The following MFN1 variants were observed in gnomAD, a reference collection of about 807,000 sequenced individuals.
MFN1 encodes the protein mitofusin-1.
Under a neutral mutation model 92.4 loss-of-function variants are expected in MFN1, and 65 were observed. That is an observed-to-expected ratio of 0.70 (90% CI 0.58 to 0.86). The LOEUF (loss-of-function observed/expected upper bound fraction) is 0.86. Among genes scored for constraint, MFN1 ranks in the 40% least tolerant of loss-of-function variants. The pLI, the probability that MFN1 is intolerant of heterozygous loss-of-function variation, is 0.00. For missense variants in MFN1, 781 were observed against 868.0 expected, an observed-to-expected ratio of 0.90 and a Z score of 1.26; for synonymous variants, 297 against 300.9, an observed-to-expected ratio of 0.99 and a Z score of 0.13.
chr3:179,364,265 A>G (rs1281843962), intron 5 of MFN1, 32 bp from the exon 6 acceptor site: 2 of 1,474,060 alleles, frequency 1.4e-6, no homozygotes, highest in African/African-American at 2.9e-5. Context: ...TTTTTAAGAA[A>G]TATAATACAA....
chr3:179,383,906 GAAATTGTAAAACC>G (rs1713572438), intron 14 of MFN1, among the ~76,000 whole-genome samples: 7 of 152,120 alleles, frequency 4.6e-5, no homozygotes, highest in Non-Finnish European at 8.8e-5. Flanking sequence ...GGAAATTTGT[GAAATTGTAAAACC>G]ATCACCACAA....
intron 14 of MFN1, among the ~76,000 whole-genome samples, chr3:179,380,071 CTG>C (rs1304254378): frequency 1.3e-5 from 2 of 152,270 alleles, no homozygotes; most frequent in East Asian, 1.9e-4. Flanking sequence ...TCGAAGGGAA[CTG>C]TGAGTATTCA....
At chr3:179,369,205 C>T (rs1265328655) in intron 9 of MFN1, among the ~76,000 whole-genome samples, 2 of 144,694 alleles carry the variant, frequency 1.4e-5, no homozygotes, top group Non-Finnish European at 2.9e-5. Context: ...GGTTGATGCT[C>T]TCCTCACCTC....
At chr3:179,369,542 G>A (rs373390932) in intron 9 of MFN1, among the ~76,000 whole-genome samples, 1 of 152,052 alleles carries the variant, frequency 6.6e-6, no homozygotes, top group Non-Finnish European at 1.5e-5. Context: ...TTGGTTCATG[G>A]TATAGCTTGT....
intron 11 of MFN1, 55 bp from the exon 12 acceptor site, chr3:179,377,289 G>A: frequency 6.6e-7 from 1 of 1,521,930 alleles, no homozygotes; most frequent in Non-Finnish European, 8.9e-7. Context: ...TAATTTTTTT[G>A]AATAATTGAT....
chr3:179,379,359 T>C (rs1420710711), intron 14 of MFN1, among the ~76,000 whole-genome samples: 1 of 152,150 alleles, frequency 6.6e-6, no homozygotes, highest in Non-Finnish European at 1.5e-5. Flanking sequence ...TTTTTTTGAG[T>C]GGGGATGCGT....
At chr3:179,376,129 C>T (rs1003976821) in intron 10 of MFN1, among the ~76,000 whole-genome samples, 31 of 152,116 alleles carry the variant, frequency 2.0e-4, no homozygotes, top group African/African-American at 7.2e-4. Context: ...AACAAAGACC[C>T]CTTCATGTCC....
chr3:179,351,696 T>C (rs1712153072), intron 2 of MFN1, among the ~76,000 whole-genome samples: 1 of 152,214 alleles, frequency 6.6e-6, no homozygotes, highest in African/African-American at 2.4e-5. Context: ...ACTGTGCCCT[T>C]GCAACTTTTA....
chr3:179,378,086 TG>T lies in MFN1; in HGVS notation c.1330-253del, dbSNP rs1313043279. 1.8e-5 allele frequency: 7 copies of T among 393,694 alleles called. No individual in the cohort carries two copies. The Admixed American group carries it at 2.6e-4, about 15-fold the overall frequency. 24.4% of individuals were successfully genotyped at this position (393,694 alleles called of 1,614,324 possible). A position where few individuals can be genotyped will look rare whatever the true frequency, so the allele number is the denominator to read the frequency against. On this transcript the variant is annotated intron_variant, in intron 12 of 17. Coordinates refer to ENST00000471841, the MANE Select transcript of MFN1 (RefSeq NM_033540.3). ...AAAAAAAATAAAAAATAGCCAAGCATGGCGACACGCTTCTATAGTCCCAGTT... is the reference window on the plus strand; with the variant it reads ...AAAAAAAATAAAAAATAGCCAAGCATGCGACACGCTTCTATAGTCCCAGTT...
chr3:179,391,081 A>G (rs1463629963), intron 17 of MFN1, among the ~76,000 whole-genome samples: 1 of 152,206 alleles, frequency 6.6e-6, no homozygotes, highest in Non-Finnish European at 1.5e-5. Flanking sequence ...AAGTCAGCTC[A>G]TCCCATATAT....
At chr3:179,370,755 TG>T (rs531033053) in intron 9 of MFN1, among the ~76,000 whole-genome samples, 287 of 152,356 alleles carry the variant, frequency 1.9e-3, no homozygotes, top group Admixed American at 2.9e-3. Context: ...CATTGGTTTT[TG>T]CTTATTCTTA....
intron 9 of MFN1, among the ~76,000 whole-genome samples, chr3:179,371,740 AT>A (rs1041681256): frequency 6.6e-6 from 1 of 152,062 alleles, no homozygotes; most frequent in Non-Finnish European, 1.5e-5. Flanking sequence ...ATGTCAGTGG[AT>A]TTTTTTGTAA....
chr3:179,350,720 T>C lies in MFN1; in HGVS notation c.113-1180T>C, dbSNP rs145187554. Among the ~76,000 whole-genome samples the C allele has an allele frequency of 3.3e-3, 500 of 152,344 alleles. 1 individual carries two copies. The highest frequency in any genetic ancestry group is 0.011 in the African/African-American group (468 of 41,580). ...ACCAGTCTGTCCGTTATTCACCAAA[T>C]TGCACATATTTTATTAATGCGTTAG... On this transcript the variant is annotated intron_variant, in intron 2 of 17. Coordinates refer to ENST00000471841, the MANE Select transcript of MFN1 (RefSeq NM_033540.3).
In MFN1 at chr3:179,392,792, A is replaced by C. The variant is rs1368797049; in HGVS notation, c.*733A>C. On this transcript the variant is annotated 3_prime_UTR_variant, in exon 18 of 18. Coordinates refer to ENST00000471841, the MANE Select transcript of MFN1 (RefSeq NM_033540.3). Reference sequence around the variant, plus strand: ...TGAAGAGATAAAAATAGCCAAAGATAGGAGACGTCTGAATTTTGAATGATA... The same window carrying C: ...TGAAGAGATAAAAATAGCCAAAGATCGGAGACGTCTGAATTTTGAATGATA... The C allele has an allele frequency of 1.3e-5, 2 of 152,344 alleles. No individual in the cohort carries two copies. The highest frequency in any genetic ancestry group is 3.9e-4 in the East Asian group (2 of 5,186). The allele number at this position is 152,344 out of a possible 1,614,324, so 9.4% of individuals were successfully genotyped here. A position where few individuals can be genotyped will look rare whatever the true frequency, so the allele number is the denominator to read the frequency against.
intron 5 of MFN1, among the ~76,000 whole-genome samples, chr3:179,363,729 A>G (rs1432483420): frequency 3.9e-5 from 6 of 152,128 alleles, no homozygotes; most frequent in African/African-American, 7.2e-5. Flanking sequence ...CCTGGACTCA[A>G]ACTCCCGCCT....
rs755218102 is a variant in MFN1, at chr3:179,385,541, T to C, written c.1663-28T>C. 36 of 1,517,330 alleles carry C rather than the reference T, an allele frequency of 2.4e-5. No individual in the cohort carries two copies. In the East Asian group the frequency reaches 7.8e-4, roughly 33 times the overall value. The allele number at this position is 1,517,330 out of a possible 1,614,324, so 94.0% of individuals were successfully genotyped here. On this transcript the variant is annotated intron_variant, in intron 14 of 17. Transcript: ENST00000471841. ...ACTTTATAGTTGTTTAAGTGTAATC[T>C]TTTTTCCTTTCTCTTTTTTTTTGGC...
In MFN1 at chr3:179,348,729, AT is replaced by A. The variant is rs762131472; in HGVS notation, c.-7-112del. The A allele has an allele frequency of 2.3e-5, 34 of 1,453,982 alleles. 1 individual carries two copies. The South Asian group carries it at 4.5e-4, about 19-fold the overall frequency. The allele number at this position is 1,453,982 out of a possible 1,614,324, so 90.1% of individuals were successfully genotyped here. On this transcript the variant is annotated intron_variant, in intron 1 of 17. Transcript: ENST00000471841. ...TCCCAAAAAAGAATTACCTAAAAAC[AT>A]TTTGCCAGCATAATTTATTTCATTG...
intron 10 of MFN1, 75 bp from the exon 11 acceptor site, chr3:179,376,965 CAT>C: frequency 6.9e-7 from 1 of 1,455,236 alleles, no homozygotes; most frequent in Non-Finnish European, 9.3e-7. Context: ...TGGTTCAATA[CAT>C]GAATGAGTCC....
intron 12 of MFN1, chr3:179,378,074 A>C (rs1189780916): frequency 1.1e-5 from 4 of 348,800 alleles, no homozygotes; most frequent in Non-Finnish European, 2.1e-5. Context: ...AAAAATAAAA[A>C]ATAGCCAAGC....
Sources: allele counts gnomAD v4.1 joint callset (sites outside exome capture counted in the v4.1 genomes callset), GRCh38; gene constraint gnomAD v4.1.1; transcripts MANE v1.5; gene names NCBI Gene and HGNC (gene_info 2026-07-23, HGNC 2026-07-21).